GMDS: variants seen among roughly 807,000 people sequenced by gnomAD.
The protein encoded by GMDS is GDP-mannose 4,6 dehydratase.
GMDS carries 20 observed loss-of-function variants against 49.9 expected under a neutral mutation model. The observed-to-expected ratio is 0.40, with a 90% confidence interval of 0.28 to 0.58. The LOEUF (loss-of-function observed/expected upper bound fraction) is 0.58, where lower values mean the gene tolerates loss of function less well. GMDS is among the 20% of genes least tolerant of loss of function. The pLI is 0.42. For synonymous variants in GMDS, 177 were observed against 178.6 expected, an observed-to-expected ratio of 0.99 and a Z score of 0.07; for missense variants, 362 against 481.4, an observed-to-expected ratio of 0.75 and a Z score of 2.32.
intron 7 of GMDS, among the ~76,000 whole-genome samples, chr6:1,783,207 G>A (rs1280300153): frequency 1.3e-5 from 2 of 152,094 alleles, no homozygotes; most frequent in African/African-American, 2.4e-5. Context: ...TATAACTAGG[G>A]GAGTAACTGG....
intron 7 of GMDS, among the ~76,000 whole-genome samples, chr6:1,787,685 T>C (rs1275618551): frequency 6.6e-6 from 1 of 152,174 alleles, no homozygotes; most frequent in African/African-American, 2.4e-5. Context: ...ATAAAAACAT[T>C]TTCCTGGACA....
chr6:1,649,831 C>G (rs370567289), intron 9 of GMDS, among the ~76,000 whole-genome samples: 1 of 152,222 alleles, frequency 6.6e-6, no homozygotes, highest in Non-Finnish European at 1.5e-5. Context: ...ATGCTCCTGA[C>G]AGCTCTGCAG....
At position 1,846,768 on chromosome 6, in the gene GMDS, G is replaced by A. The variant is rs3800093; in HGVS notation, c.771+83335C>T. On this transcript the variant is annotated intron_variant, in intron 7 of 10. Transcript: ENST00000380815. ...ATGTGGCCAGAAGACTGTGTGTACC[G>A]GAAAGCAAAGCCTCAGGGCAGCATT... Among the ~76,000 whole-genome samples the A allele has an allele frequency of 8.5e-5, 13 of 152,322 alleles. No homozygotes were observed. In the East Asian group the frequency reaches 2.5e-3, roughly 29 times the overall value.
At chr6:1,744,155 C>A (rs1319709535) in intron 7 of GMDS, among the ~76,000 whole-genome samples, 1 of 152,124 alleles carries the variant, frequency 6.6e-6, no homozygotes. Flanking sequence ...AAAATAATTT[C>A]TCTTTTACCT....
intron 4 of GMDS, among the ~76,000 whole-genome samples, chr6:2,017,415 T>C (rs1421661803): frequency 6.6e-6 from 1 of 151,998 alleles, no homozygotes; most frequent in African/African-American, 2.4e-5. Context: ...TTCCAGCAAT[T>C]CTCCTGCCTC....
At position 1,959,916 on chromosome 6, in the gene GMDS, A is replaced by T; in HGVS notation, c.594T>A (p.Asn198Lys). The T allele has an allele frequency of 6.2e-7, 1 of 1,611,996 alleles. No individual in the cohort carries two copies. Among genetic ancestry groups the T allele is most frequent in the Non-Finnish European group, 8.5e-7 (1 of 1,179,030 alleles). ...WIVVNFREAY[N>K]LFAVNGILFN... The stretch of plus-strand genomic sequence containing the variant: ...AGAGAATGCCGTTCACTGCAAAGAG[A>T]TTATACGCCTCACGGAAGTTCACCA... The change falls in exon 6 of 11, where the codon AAT becomes AAA. Residue 198 changes from asparagine to lysine, a missense_variant. Transcript: ENST00000380815.
chr6:2,106,004 A>G (rs1237356906), intron 4 of GMDS, among the ~76,000 whole-genome samples: 1 of 152,218 alleles, frequency 6.6e-6, no homozygotes, highest in Admixed American at 6.5e-5. Context: ...GAGCTGTAAC[A>G]TGCCAAACCA....
At chr6:2,025,710 G>A (rs1283607429) in intron 4 of GMDS, among the ~76,000 whole-genome samples, 1 of 152,138 alleles carries the variant, frequency 6.6e-6, no homozygotes, top group East Asian at 1.9e-4. Context: ...TATATACCAT[G>A]TAGCCAGCTG....
chr6:2,141,481 C>CACTG (rs1457962422), intron 1 of GMDS, among the ~76,000 whole-genome samples: 1 of 152,192 alleles, frequency 6.6e-6, no homozygotes. Flanking sequence ...GTAGCACAGG[C>CACTG]ACTGACCCAC....
intron 1 of GMDS, among the ~76,000 whole-genome samples, chr6:2,163,002 T>C (rs187420196): frequency 6.6e-6 from 1 of 152,316 alleles, no homozygotes; most frequent in Admixed American, 6.5e-5. Context: ...AGCCCACTGA[T>C]CTAGACAGCT....
chr6:2,196,062 A>G (rs1204376327), intron 1 of GMDS, among the ~76,000 whole-genome samples: 1 of 152,200 alleles, frequency 6.6e-6, no homozygotes, highest in Non-Finnish European at 1.5e-5. Flanking sequence ...TAAGCAAAAC[A>G]TAAGTTTGTG....
intron 2 of GMDS, among the ~76,000 whole-genome samples, chr6:2,118,564 A>G (rs1774972390): frequency 6.6e-6 from 1 of 152,232 alleles, no homozygotes; most frequent in Admixed American, 6.5e-5. Context: ...AGAATATAAG[A>G]CTTTCTTTCA....
intron 7 of GMDS, among the ~76,000 whole-genome samples, chr6:1,888,994 A>G (rs1290539017): frequency 1.3e-5 from 2 of 152,196 alleles, no homozygotes; most frequent in Non-Finnish European, 2.9e-5. Flanking sequence ...GGTACTCCCA[A>G]CTAGGCCTCC....
intron 7 of GMDS, among the ~76,000 whole-genome samples, chr6:1,765,040 T>C (rs567942309): frequency 4.6e-5 from 7 of 151,824 alleles, no homozygotes; most frequent in South Asian, 4.1e-4. Context: ...CACATTTTTT[T>C]CCCCCCAGTG....
intron 4 of GMDS, among the ~76,000 whole-genome samples, chr6:2,084,449 C>T (rs1161322479): frequency 1.3e-5 from 2 of 152,152 alleles, no homozygotes; most frequent in Non-Finnish European, 2.9e-5. Context: ...TTCTAGATTA[C>T]TCAATTACCC....
chr6:1,630,916 A>G (rs1429556088), intron 9 of GMDS, among the ~76,000 whole-genome samples: 1 of 152,132 alleles, frequency 6.6e-6, no homozygotes. Flanking sequence ...TGCGGGGGCC[A>G]TTTAATGAAA....
chr6:1,907,396 C>T (rs143382303), intron 7 of GMDS, among the ~76,000 whole-genome samples: 196 of 152,302 alleles, frequency 1.3e-3, no homozygotes, highest in African/African-American at 4.2e-3. Context: ...AAGCAAGATA[C>T]TGAGACCTCT....
At chr6:2,242,233 C>A (rs1034251325) in intron 1 of GMDS, among the ~76,000 whole-genome samples, 1 of 152,150 alleles carries the variant, frequency 6.6e-6, no homozygotes, top group South Asian at 2.1e-4. Context: ...TACAAGGCAA[C>A]AGTATTCAAA....
intron 4 of GMDS, among the ~76,000 whole-genome samples, chr6:1,991,841 C>A (rs925536041): frequency 2.0e-5 from 3 of 152,204 alleles, no homozygotes; most frequent in Non-Finnish European, 4.4e-5. Flanking sequence ...GTAGGGTTGG[C>A]ACACAGTCCA....
Sources: allele counts gnomAD v4.1 joint callset (sites outside exome capture counted in the v4.1 genomes callset), GRCh38; gene constraint gnomAD v4.1.1; transcripts MANE v1.5; gene names NCBI Gene and HGNC (gene_info 2026-07-23, HGNC 2026-07-21).